CLVS1: variants seen among roughly 807,000 people sequenced by gnomAD.
CLVS1 encodes the protein clavesin 1, also known as clavesin-1.
CLVS1 carries 10 observed loss-of-function variants against 33.1 expected under a neutral mutation model. The ratio of observed to expected loss-of-function variants is 0.30; its 90% CI spans 0.19 to 0.51. CLVS1 has a LOEUF of 0.51. Among genes scored for constraint, CLVS1 ranks in the 20% least tolerant of loss-of-function variants. The probability of loss-of-function intolerance (pLI) is 0.97; values close to 1 mark genes in which losing one functional copy is unlikely to be tolerated. For missense variants in CLVS1, 343 were observed against 433.4 expected (o/e 0.79, Z 1.85); for synonymous variants, 163 against 166.1 (o/e 0.98, Z 0.14).
chr8:61,109,803 A>C (rs1333665933), intron 1 of CLVS1, among the ~76,000 whole-genome samples: 2 of 152,168 alleles, frequency 1.3e-5, no homozygotes, highest in Non-Finnish European at 2.9e-5. Context: ...TTATAAGAAG[A>C]GGAGGAGAGG....
At chr8:61,422,062 T>G (rs1464338289) in intron 3 of CLVS1, among the ~76,000 whole-genome samples, 3 of 151,996 alleles carry the variant, frequency 2.0e-5, no homozygotes, top group Non-Finnish European at 4.4e-5. Context: ...TGATTCTACC[T>G]CAGTTCTGAG....
chr8:61,089,308 A>G (rs1202388614), intron 1 of CLVS1, among the ~76,000 whole-genome samples: 2 of 152,360 alleles, frequency 1.3e-5, no homozygotes, highest in African/African-American at 4.8e-5. Context: ...TGCAAATAAC[A>G]AATGATTTAC....
the CLVS1 span, among the ~76,000 whole-genome samples, chr8:61,044,958 T>C: frequency 6.6e-6 from 1 of 152,198 alleles, no homozygotes; most frequent in Non-Finnish European, 1.5e-5. Context: ...CAAGAGCCAC[T>C]GCAGCAAAAG....
chr8:61,445,187 A>G (rs1187433532), intron 3 of CLVS1, among the ~76,000 whole-genome samples: 1 of 152,232 alleles, frequency 6.6e-6, no homozygotes, highest in Admixed American at 6.5e-5. Context: ...GTTGAAGTCT[A>G]CATGCTAATA....
intron 2 of CLVS1, among the ~76,000 whole-genome samples, chr8:61,188,363 C>T (rs575956517): frequency 1.6e-4 from 25 of 152,098 alleles, no homozygotes; most frequent in African/African-American, 6.0e-4. Context: ...ATACAAATAA[C>T]TTTTAAGGCA....
rs372149954 is a variant in CLVS1, at chr8:61,315,030, G to A, written c.455+14748G>A. Among the ~76,000 whole-genome samples, 422 of 152,306 alleles carry A rather than the reference G, an allele frequency of 2.8e-3. 1 individual carries two copies. Among genetic ancestry groups the A allele is most frequent in the African/African-American group, 9.6e-3 (398 of 41,566 alleles). On this transcript the variant is annotated intron_variant, in intron 2 of 5. Coordinates refer to ENST00000325897, the MANE Select transcript of CLVS1 (RefSeq NM_173519.3). ...CAATGGACCAGCAGGCAAGCATGAA[G>A]TATCTTCCACTGCAGCATCTGTTTG...
At chr8:61,306,070 G>A (rs535312679) in intron 2 of CLVS1, among the ~76,000 whole-genome samples, 1 of 152,116 alleles carries the variant, frequency 6.6e-6, no homozygotes, top group African/African-American at 2.4e-5. Flanking sequence ...AGGATTACTG[G>A]GTCAAGTGGT....
Position 61,300,017 on chromosome 8 carries a change from C to T in CLVS1, c.190C>T (p.Pro64Ser), listed in dbSNP as rs773413383. 3 of 1,613,892 alleles carry T rather than the reference C, an allele frequency of 1.9e-6. No homozygotes were observed. Among genetic ancestry groups the T allele is most frequent in the African/African-American group, 1.3e-5 (1 of 74,898 alleles). The change falls in exon 2 of 6, where the codon CCT becomes TCT. Residue 64 changes from proline (P) to serine (S), a missense_variant. By Grantham distance (74) the Pro-to-Ser change is moderately conservative. Transcript: ENST00000325897. ...QQVRDMIITR[P>S]DIGFLRTDDA... is the part of the protein sequence containing the mutation. ...AGTCAGGGACATGATCATCACCAGG[C>T]CTGACATTGGATTTTTACGTACAGA...
chr8:61,483,480 C>T (rs1161109177), intron 5 of CLVS1, among the ~76,000 whole-genome samples: 2 of 152,160 alleles, frequency 1.3e-5, no homozygotes, highest in South Asian at 2.1e-4. Context: ...AGTCCAGGAC[C>T]AGACGGATTC....
intron 3 of CLVS1, among the ~76,000 whole-genome samples, chr8:61,406,146 TGTAA>T (rs2129603784): frequency 6.6e-6 from 1 of 152,362 alleles, no homozygotes; most frequent in Admixed American, 6.5e-5. Flanking sequence ...ATGTCCTGTT[TGTAA>T]GTAAGATGGA....
intron 2 of CLVS1, among the ~76,000 whole-genome samples, chr8:61,190,906 T>C (rs1293855082): frequency 1.3e-5 from 2 of 151,938 alleles, no homozygotes; most frequent in African/African-American, 4.8e-5. Context: ...AAAAAAAGTC[T>C]AGGACCAGAT....
the CLVS1 span, chr8:60,966,103 C>A: frequency 1.9e-5 from 5 of 262,788 alleles, no homozygotes; most frequent in Non-Finnish European, 3.8e-5. Flanking sequence ...TGAGCCACTG[C>A]GCCTGGCCCC....
intron 3 of CLVS1, among the ~76,000 whole-genome samples, chr8:61,400,828 A>G (rs958197547): frequency 6.6e-6 from 1 of 152,140 alleles, no homozygotes; most frequent in Admixed American, 6.6e-5. Flanking sequence ...TATGTGATGA[A>G]TCACATTTAT....
chr8:61,498,145 G>T (rs1327882430), intron 5 of CLVS1, among the ~76,000 whole-genome samples: 1 of 152,146 alleles, frequency 6.6e-6, no homozygotes, highest in Non-Finnish European at 1.5e-5. Context: ...ATTTAAGATG[G>T]AGTTGCTCTG....
upstream of CLVS1, among the ~76,000 whole-genome samples, chr8:61,286,189 T>C (rs1809776352): frequency 6.6e-6 from 1 of 152,132 alleles, no homozygotes; most frequent in Non-Finnish European, 1.5e-5. Flanking sequence ...TGAGACTGTG[T>C]TCTACTTAGT....
the CLVS1 span, among the ~76,000 whole-genome samples, chr8:61,015,291 AC>A: frequency 6.6e-6 from 1 of 152,212 alleles, no homozygotes; most frequent in African/African-American, 2.4e-5. Context: ...CAATTGAGGG[AC>A]AGAGAGGCTA....
the CLVS1 span, among the ~76,000 whole-genome samples, chr8:60,974,778 CAAA>C: frequency 5.7e-5 from 6 of 104,914 alleles, no homozygotes; most frequent in Admixed American, 2.0e-4. Flanking sequence ...GACTCCATCT[CAAA>C]AAAAAAAAAA....
At chr8:61,303,321 A>G (rs1563486414) in intron 2 of CLVS1, among the ~76,000 whole-genome samples, 3 of 152,256 alleles carry the variant, frequency 2.0e-5, no homozygotes, top group Admixed American at 2.0e-4. Flanking sequence ...TATGATTATG[A>G]TAACCTCAAA....
At chr8:61,360,274 C>T (rs543264879) in intron 2 of CLVS1, among the ~76,000 whole-genome samples, 77 of 152,084 alleles carry the variant, frequency 5.1e-4, no homozygotes, top group African/African-American at 1.7e-3. Context: ...TTTAAAAAAC[C>T]CAAAAAAAAC....
Sources: allele counts gnomAD v4.1 joint callset (sites outside exome capture counted in the v4.1 genomes callset), GRCh38; gene constraint gnomAD v4.1.1; transcripts MANE v1.5; gene names NCBI Gene and HGNC (gene_info 2026-07-23, HGNC 2026-07-21).